Variants in RASGRF2 observed in about 807,000 individuals in gnomAD.
The protein encoded by RASGRF2 is Ras protein specific guanine nucleotide releasing factor 2.
In RASGRF2, 76 loss-of-function variants were observed where a neutral mutation model predicts 151.0. The observed-to-expected ratio is 0.50, with a 90% CI of 0.42 to 0.61. RASGRF2 has a LOEUF of 0.61. Ranked by LOEUF, RASGRF2 falls within the 20% of genes least tolerant of loss-of-function variation. The pLI, the probability that RASGRF2 is intolerant of heterozygous loss-of-function variation, is 0.00. For synonymous variants in RASGRF2, 504 were observed against 566.5 expected (o/e 0.89, Z 1.57); for missense variants, 1,148 against 1,564.6 (o/e 0.73, Z 4.49).
intron 17 of RASGRF2, among the ~76,000 whole-genome samples, chr5:81,169,337 C>A (rs1426571174): frequency 2.6e-5 from 4 of 152,156 alleles, no homozygotes; most frequent in African/African-American, 9.7e-5. Flanking sequence ...AAAAAAACAA[C>A]GATTTATTTT....
intron 12 of RASGRF2, among the ~76,000 whole-genome samples, chr5:81,105,436 A>G (rs1353499470): frequency 1.3e-5 from 2 of 151,986 alleles, no homozygotes; most frequent in Non-Finnish European, 2.9e-5. Flanking sequence ...CTCCACTTAA[A>G]CAGTGTGGTT....
intron 12 of RASGRF2, among the ~76,000 whole-genome samples, chr5:81,101,775 G>C (rs964778311): frequency 6.6e-6 from 1 of 152,116 alleles, no homozygotes; most frequent in Non-Finnish European, 1.5e-5. Flanking sequence ...GTATGGTTTG[G>C]ATTGAATGTA....
chr5:81,148,468 A>G lies in RASGRF2; in HGVS notation c.2686+21305A>G, dbSNP rs551174074. 2.8e-4 allele frequency among the ~76,000 whole-genome samples: 43 copies of G among 152,310 alleles called. 1 individual carries two copies. The highest frequency in any genetic ancestry group is 1.0e-3 in the African/African-American group (42 of 41,568). Reference sequence around the variant, plus strand: ...TTAATTTTCCAACAGGGCTCAGGGCATATTTGGATACTGATTGATATACAT... The same window carrying G: ...TTAATTTTCCAACAGGGCTCAGGGCGTATTTGGATACTGATTGATATACAT... On this transcript the variant is annotated intron_variant, in intron 17 of 26. Coordinates refer to ENST00000265080, the MANE Select transcript of RASGRF2 (RefSeq NM_006909.3).
In RASGRF2 at chr5:81,227,128, A is replaced by C. The variant is rs764903590; in HGVS notation, c.*1358A>C. On this transcript the variant is annotated 3_prime_UTR_variant, in exon 27 of 27. Transcript: ENST00000265080. ...GTTGCACCTGACATTTTCTCTTAGC[A>C]GCATGAAACTTATTGATGCTGACAA... 1.3e-5 allele frequency: 2 copies of C among 152,250 alleles called. No individual in the cohort carries two copies. The highest frequency in any genetic ancestry group is 2.4e-5 in the African/African-American group (1 of 41,470). The allele number at this position is 152,250 out of a possible 1,614,324, so 9.4% of individuals were successfully genotyped here. A position where few individuals can be genotyped will look rare whatever the true frequency, so the allele number is the denominator to read the frequency against.
At chr5:81,035,085 C>T (rs935409440) in intron 1 of RASGRF2, among the ~76,000 whole-genome samples, 10 of 151,982 alleles carry the variant, frequency 6.6e-5, no homozygotes, top group Non-Finnish European at 1.3e-4. Context: ...CTAGAAATAC[C>T]ATTTGACCCA....
chr5:81,073,528 TA>T, intron 5 of RASGRF2, 76 bp downstream of exon 5: 1 of 1,442,134 alleles, frequency 6.9e-7, no homozygotes, highest in Non-Finnish European at 9.3e-7. Flanking sequence ...ACTTAATCTT[TA>T]AAAGGGTCTC....
chr5:81,220,412 C>G (rs572882380), intron 26 of RASGRF2, among the ~76,000 whole-genome samples: 1 of 152,318 alleles, frequency 6.6e-6, no homozygotes, highest in African/African-American at 2.4e-5. Flanking sequence ...ATATACCTCA[C>G]AGCCAATGTC....
chr5:81,068,478 T>G (rs1751680040), intron 3 of RASGRF2, among the ~76,000 whole-genome samples: 1 of 151,956 alleles, frequency 6.6e-6, no homozygotes. Flanking sequence ...TTATAGCATT[T>G]AACTGTTTTC....
chr5:81,118,410 G>A (rs1029689753), intron 15 of RASGRF2, among the ~76,000 whole-genome samples: 2 of 152,218 alleles, frequency 1.3e-5, no homozygotes, highest in Non-Finnish European at 2.9e-5. Flanking sequence ...CACTGCACAG[G>A]AATGTGGGGA....
intron 2 of RASGRF2, among the ~76,000 whole-genome samples, chr5:81,044,069 G>A (rs1017346580): frequency 6.6e-6 from 1 of 152,146 alleles, no homozygotes; most frequent in African/African-American, 2.4e-5. Flanking sequence ...TGAGTGAAGC[G>A]CATTGCTAAT....
At chr5:81,130,222 T>C (rs574529671) in intron 17 of RASGRF2, among the ~76,000 whole-genome samples, 8 of 152,274 alleles carry the variant, frequency 5.3e-5, no homozygotes, top group East Asian at 1.9e-4. Context: ...TTGCTAGGTG[T>C]TGGGGAGCCT....
At chr5:81,187,622 A>G (rs1021864059) in intron 18 of RASGRF2, among the ~76,000 whole-genome samples, 2 of 152,190 alleles carry the variant, frequency 1.3e-5, no homozygotes, top group African/African-American at 2.4e-5. Flanking sequence ...GAACCAACCA[A>G]TGAGCATCCG....
chr5:81,147,273 A>AT (rs886333143), intron 17 of RASGRF2, among the ~76,000 whole-genome samples: 31 of 150,496 alleles, frequency 2.1e-4, no homozygotes, highest in African/African-American at 6.3e-4. Context: ...CTGGCAGCAG[A>AT]TTTTTTTTTT....
intron 18 of RASGRF2, among the ~76,000 whole-genome samples, chr5:81,198,577 T>C (rs761526964): frequency 1.2e-4 from 19 of 152,142 alleles, no homozygotes; most frequent in Non-Finnish European, 1.6e-4. Context: ...GTAGCTGGGA[T>C]TACAGGTGAC....
intron 15 of RASGRF2, among the ~76,000 whole-genome samples, chr5:81,121,858 T>C (rs764747873): frequency 5.9e-5 from 9 of 152,202 alleles, no homozygotes; most frequent in Non-Finnish European, 1.0e-4. Context: ...TCCCTCAGTG[T>C]TCACTTAGAC....
intron 12 of RASGRF2, among the ~76,000 whole-genome samples, chr5:81,095,381 G>A (rs1182394701): frequency 2.0e-5 from 3 of 152,094 alleles, no homozygotes; most frequent in African/African-American, 7.2e-5. Context: ...GCCAACATAG[G>A]GCTATGGCAG....
Position 81,217,147 on chromosome 5 carries a change from G to A in RASGRF2, c.3435-209G>A, listed in dbSNP as rs1755756483. ...TATGCCATTTTTTTTCAAACACGTA[G>A]TAAAGCAGGGGCTGTCATTTTGTAT... On this transcript the variant is annotated intron_variant, in intron 24 of 26. Coordinates refer to ENST00000265080, the MANE Select transcript of RASGRF2 (RefSeq NM_006909.3). Among the ~76,000 whole-genome samples, 3 of 152,260 alleles carry A rather than the reference G, an allele frequency of 2.0e-5. No homozygotes were observed. The South Asian group carries it at 6.2e-4, about 32-fold the overall frequency.
chr5:81,140,080 C>T (rs13155331), intron 17 of RASGRF2, among the ~76,000 whole-genome samples: 17,644 of 152,106 alleles, frequency 0.12, 1,238 homozygotes, highest in Middle Eastern at 0.23. Flanking sequence ...CCTCCTGCCT[C>T]GGCCTCCCAA....
chr5:81,186,981 G>A (rs1019351137), intron 18 of RASGRF2, among the ~76,000 whole-genome samples: 1 of 152,192 alleles, frequency 6.6e-6, no homozygotes, highest in Non-Finnish European at 1.5e-5. Flanking sequence ...GGGAGGGTGA[G>A]GATTATGTGA....
Sources: allele counts gnomAD v4.1 joint callset (sites outside exome capture counted in the v4.1 genomes callset), GRCh38; gene constraint gnomAD v4.1.1; transcripts MANE v1.5; gene names NCBI Gene and HGNC (gene_info 2026-07-23, HGNC 2026-07-21).